Variants in STON2 observed in about 807,000 individuals in gnomAD.
STON2 encodes stonin-2.
STON2 carries 29 observed loss-of-function variants against 65.7 expected under a neutral mutation model. The observed-to-expected ratio is 0.44, with a 90% CI of 0.33 to 0.60. The LOEUF (loss-of-function observed/expected upper bound fraction) is 0.60, where lower values mean the gene tolerates loss of function less well. Among genes scored for constraint, STON2 ranks in the 20% least tolerant of loss-of-function variants. The pLI, the probability that STON2 is intolerant of heterozygous loss-of-function variation, is 0.03. For synonymous variants in STON2, 404 were observed against 414.2 expected (o/e 0.98, Z 0.30); for missense variants, 1,054 against 1,118.1 (o/e 0.94, Z 0.82).
rs143456037 is a variant in STON2 at position 81,261,024 on chromosome 14, T to C, written c.*7390A>G. Reference sequence around the variant, plus strand: ...CGCCTGGCTAAAACACTGATTTTGATTAATCTCTTGAATACGGTAGTTTTC... The same window carrying C: ...CGCCTGGCTAAAACACTGATTTTGACTAATCTCTTGAATACGGTAGTTTTC... On this transcript the variant is annotated 3_prime_UTR_variant, in exon 8 of 8. Transcript: ENST00000614646. The C allele has an allele frequency of 1.3e-5, 2 of 152,328 alleles. No individual in the cohort carries two copies. The highest frequency in any genetic ancestry group is 4.8e-5 in the African/African-American group (2 of 41,570). The allele number at this position is 152,328 out of a possible 1,614,324, so 9.4% of individuals were successfully genotyped here.
At position 81,395,874 on chromosome 14, in the gene STON2, G is replaced by A; in HGVS notation, c.373+20C>T. On this transcript the variant is annotated intron_variant, in intron 3 of 7. Transcript: ENST00000614646. ...CCCTGCTGACCACAAACCCAAGCCG[G>A]GCCCTTCCTACCTCCTCACCTGTCT... The A allele has an allele frequency of 6.2e-7, 1 of 1,613,108 alleles. No individual in the cohort carries two copies. The highest frequency in any genetic ancestry group is 8.5e-7 in the Non-Finnish European group (1 of 1,179,424).
In STON2 at chr14:81,415,624, C is replaced by T. The variant is rs543056511; in HGVS notation, c.-199+11478G>A. 1.4e-3 allele frequency among the ~76,000 whole-genome samples: 199 copies of T among 143,120 alleles called. 4 individuals are homozygous for T. In the East Asian group the frequency reaches 0.021, roughly 15 times the overall value. 93.9% of individuals were successfully genotyped at this position (143,120 alleles called of 152,430 possible). A position where few individuals can be genotyped will look rare whatever the true frequency, so the allele number is the denominator to read the frequency against. On this transcript the variant is annotated intron_variant, in intron 2 of 8. Coordinates refer to the STON2 transcript ENST00000553821. ...GGCAGAGGTGGCAGTGAGCCAAGATCGCACCACTGCACTCCAGCCTGGCAA... is the reference window on the plus strand; with the variant it reads ...GGCAGAGGTGGCAGTGAGCCAAGATTGCACCACTGCACTCCAGCCTGGCAA...
intron 5 of STON2, among the ~76,000 whole-genome samples, chr14:81,305,397 C>A (rs1007134159): frequency 2.0e-5 from 3 of 152,180 alleles, no homozygotes; most frequent in Non-Finnish European, 4.4e-5. Context: ...TTCATTTGAG[C>A]TATGACGGTG....
chr14:81,329,866 T>A (rs948755221), intron 4 of STON2, among the ~76,000 whole-genome samples: 1 of 151,776 alleles, frequency 6.6e-6, no homozygotes, highest in Non-Finnish European at 1.5e-5. Flanking sequence ...TCTTCAAAGC[T>A]GCACAAGTAC....
At chr14:81,317,555 A>G (rs1287209280) in intron 5 of STON2, among the ~76,000 whole-genome samples, 1 of 152,240 alleles carries the variant, frequency 6.6e-6, no homozygotes, top group Admixed American at 6.5e-5. Context: ...TCCTGTCTCA[A>G]TGAGAGAGGC....
At chr14:81,306,217 ACT>A (rs1896171411) in intron 5 of STON2, among the ~76,000 whole-genome samples, 1 of 93,186 alleles carries the variant, frequency 1.1e-5, no homozygotes, top group African/African-American at 4.1e-5. Context: ...ACACATACAT[ACT>A]CTTTTTTTTT....
chr14:81,398,299 C>T lies in STON2; in HGVS notation c.84G>A (p.Ser28=), dbSNP rs779396445. 1.7e-5 allele frequency: 28 copies of T among 1,612,042 alleles called. No individual in the cohort carries two copies. The highest frequency in any genetic ancestry group is 1.6e-4 in the East Asian group (7 of 44,818). ...GGAAACGAAGGCACTCCTTACCCTG[C>T]GAGTGGGCAGGAAAGGGTGGCTCTT... The part of the protein sequence containing the change: ...FNEEPPFPAH[S]QGGTEEHLPG... Residue 28 remains serine (S), a synonymous_variant, in exon 2 of 8, where the codon TCG becomes TCA. Coordinates refer to ENST00000614646, the MANE Select transcript of STON2 (RefSeq NM_001394390.1).
At chr14:81,402,313 T>C (rs531970090), upstream of STON2, among the ~76,000 whole-genome samples, 73 of 152,304 alleles carry the variant, frequency 4.8e-4, no homozygotes, top group African/African-American at 1.7e-3. Context: ...GTACTGTTTC[T>C]GCCCATTCTA....
chr14:81,270,535 A>G (rs777214637), intron 7 of STON2, 135 bp downstream of exon 7: 4 of 1,577,300 alleles, frequency 2.5e-6, no homozygotes, highest in South Asian at 2.4e-5. Flanking sequence ...ACAGCTATGT[A>G]TGGTGAACTT....
intron 2 of STON2, among the ~76,000 whole-genome samples, chr14:81,405,435 A>C (rs2139839619): frequency 7.1e-6 from 1 of 141,220 alleles, no homozygotes; most frequent in East Asian, 2.2e-4. Flanking sequence ...TCCAACCTCT[A>C]GACCATTTGG....
chr14:81,277,035 C>T lies in STON2; in HGVS notation c.2447G>A (p.Arg816Gln), dbSNP rs377034012. 40 of 1,614,214 alleles carry T rather than the reference C, an allele frequency of 2.5e-5. No individual in the cohort carries two copies. The highest frequency in any genetic ancestry group is 1.0e-4 in the Admixed American group (6 of 60,020). ...ACTAGTGGAGCCAAAACTTGCCCCC[C>T]GGTTCACTTTGGCTTTCAAAGACTT... ...GEKSLKAKVN[R>Q]GASFGSTSVS... The change falls in exon 6 of 8, where the codon CGG (arginine) becomes CAG (glutamine). Residue 816 changes from arginine to glutamine, a missense_variant. By Grantham distance (43) the Arg-to-Gln change is conservative. Transcript: ENST00000614646.
chr14:81,337,370 C>T (rs538325752), intron 4 of STON2, among the ~76,000 whole-genome samples: 8 of 152,106 alleles, frequency 5.3e-5, no homozygotes, highest in South Asian at 2.1e-4. Context: ...TGCCAGGCAC[C>T]GGTGATACGC....
intron 2 of STON2, among the ~76,000 whole-genome samples, chr14:81,414,350 T>C (rs1177816714): frequency 6.6e-6 from 1 of 152,102 alleles, no homozygotes; most frequent in African/African-American, 2.4e-5. Flanking sequence ...GGAGAAGCCG[T>C]AGCAAAAGAA....
chr14:81,394,568 G>A (rs1041464560), intron 3 of STON2, among the ~76,000 whole-genome samples: 2 of 152,074 alleles, frequency 1.3e-5, no homozygotes, highest in African/African-American at 4.8e-5. Context: ...ACATTATCCC[G>A]GTGAGCCCAG....
At chr14:81,291,823 A>G (rs962255947) in intron 5 of STON2, among the ~76,000 whole-genome samples, 6 of 150,404 alleles carry the variant, frequency 4.0e-5, no homozygotes, top group African/African-American at 1.5e-4. Context: ...GAAAATGCTT[A>G]GTATACTAGG....
intron 4 of STON2, among the ~76,000 whole-genome samples, chr14:81,365,318 C>A (rs1182150537): frequency 6.6e-6 from 1 of 152,166 alleles, no homozygotes; most frequent in Non-Finnish European, 1.5e-5. Context: ...CAGACCACCA[C>A]CTGCAATCTC....
At chr14:81,368,739 T>C (rs368851703) in intron 4 of STON2, among the ~76,000 whole-genome samples, 1 of 152,050 alleles carries the variant, frequency 6.6e-6, no homozygotes, top group South Asian at 2.1e-4. Context: ...AAAAAGAGGA[T>C]GGTTGCCAAA....
At chr14:81,305,061 T>C (rs769460459) in intron 5 of STON2, among the ~76,000 whole-genome samples, 3 of 152,238 alleles carry the variant, frequency 2.0e-5, no homozygotes, top group Non-Finnish European at 4.4e-5. Context: ...TGAATTCATA[T>C]AGTATGTTCT....
chr14:81,361,590 A>G (rs1898495741), intron 4 of STON2, among the ~76,000 whole-genome samples: 1 of 152,190 alleles, frequency 6.6e-6, no homozygotes, highest in Non-Finnish European at 1.5e-5. Flanking sequence ...TGGTCTAGGC[A>G]ATGATTTTTT....
Sources: allele counts gnomAD v4.1 joint callset (sites outside exome capture counted in the v4.1 genomes callset), GRCh38; gene constraint gnomAD v4.1.1; transcripts MANE v1.5; gene names NCBI Gene and HGNC (gene_info 2026-07-23, HGNC 2026-07-21).